The following MARK3 variants were observed in gnomAD, a reference collection of about 807,000 sequenced individuals.
MARK3 encodes microtubule affinity regulating kinase 3.
Under a neutral mutation model 90.1 loss-of-function variants are expected in MARK3, and 46 were observed. That is an observed-to-expected ratio of 0.51 (90% CI 0.40 to 0.65). The LOEUF (loss-of-function observed/expected upper bound fraction) is 0.65. MARK3 is among the 30% of genes least tolerant of loss of function. The pLI, the probability that MARK3 is intolerant of heterozygous loss-of-function variation, is 0.00. For synonymous variants in MARK3, 321 were observed against 332.6 expected (o/e 0.97, Z 0.38); for missense variants, 818 against 947.2 (o/e 0.86, Z 1.79).
At chr14:103,491,347 A>T in intron 14 of MARK3, 1 of 212,868 alleles carries the variant, frequency 4.7e-6, no homozygotes, top group Non-Finnish European at 9.6e-6. Flanking sequence ...TGCTTTCAGC[A>T]TGTGGAATTT....
intron 3 of MARK3, among the ~76,000 whole-genome samples, chr14:103,448,517 A>T (rs1270044002): frequency 6.6e-6 from 1 of 152,164 alleles, no homozygotes; most frequent in Non-Finnish European, 1.5e-5. Context: ...TATGCTTATG[A>T]TGTATTTCAC....
intron 14 of MARK3, among the ~76,000 whole-genome samples, chr14:103,482,894 C>T (rs1299244020): frequency 6.6e-6 from 1 of 152,182 alleles, no homozygotes; most frequent in Admixed American, 6.5e-5. Context: ...TAGCATCAGT[C>T]ATTGAAATAC....
intron 3 of MARK3, among the ~76,000 whole-genome samples, chr14:103,442,523 C>CAAT (rs10690898): frequency 0.33 from 50,719 of 151,730 alleles, 8,765 homozygotes; most frequent in Middle Eastern, 0.45. Context: ...CAGAGTTGGG[C>CAAT]AATACATAAC....
chr14:103,403,084 G>A (rs563876625), intron 1 of MARK3, among the ~76,000 whole-genome samples: 4 of 137,576 alleles, frequency 2.9e-5, no homozygotes, highest in African/African-American at 1.1e-4. Flanking sequence ...AGTTGAGTAC[G>A]AATAGGATGA....
At chr14:103,491,274 A>T (rs1461124525) in intron 14 of MARK3, 1 of 324,242 alleles carries the variant, frequency 3.1e-6, no homozygotes, top group African/African-American at 2.2e-5. Flanking sequence ...TCGGTTGTGT[A>T]TTGTGTGTCT....
chr14:103,472,999 T>A (rs1256442581), intron 12 of MARK3, among the ~76,000 whole-genome samples: 2 of 143,070 alleles, frequency 1.4e-5, no homozygotes, highest in Non-Finnish European at 3.1e-5. Context: ...AGAGCGAGAC[T>A]CCGTCTCGAA....
At chr14:103,436,411 T>TC (rs1245718114) in intron 3 of MARK3, among the ~76,000 whole-genome samples, 1 of 148,760 alleles carries the variant, frequency 6.7e-6, no homozygotes, top group Admixed American at 6.7e-5. Context: ...TTTTCTTTCT[T>TC]TTTTTTTTTT....
chr14:103,481,959 G>C (rs1182053869), intron 14 of MARK3, among the ~76,000 whole-genome samples: 2 of 149,944 alleles, frequency 1.3e-5, no homozygotes, highest in Non-Finnish European at 3.0e-5. Context: ...GTAGAGACGG[G>C]GTTTCACCAT....
chr14:103,493,783 GA>G (rs1331313940), intron 15 of MARK3, among the ~76,000 whole-genome samples: 1 of 149,818 alleles, frequency 6.7e-6, no homozygotes, highest in African/African-American at 2.5e-5. Flanking sequence ...GCTGAGACAG[GA>G]GAATTGCTTG....
At position 103,385,880 on chromosome 14, in the gene MARK3, G is replaced by A; in HGVS notation, c.-150G>A. ...CGGGGGACGGCCCGGGCCAGGCCCG[G>A]GATCTAGACGGCCGTAGGGGGAAGG... On this transcript the variant is annotated 5_prime_UTR_variant, in exon 1 of 18. Coordinates refer to ENST00000429436, the MANE Select transcript of MARK3 (RefSeq NM_001128918.3). The A allele has an allele frequency of 1.6e-6, 1 of 625,932 alleles. No homozygotes were observed. The highest frequency in any genetic ancestry group is 2.8e-5 in the Admixed American group (1 of 36,292). 38.8% of individuals were successfully genotyped at this position (625,932 alleles called of 1,614,324 possible).
At chr14:103,435,633 C>T (rs2092697749) in intron 3 of MARK3, among the ~76,000 whole-genome samples, 1 of 152,064 alleles carries the variant, frequency 6.6e-6, no homozygotes, top group Non-Finnish European at 1.5e-5. Flanking sequence ...TGGTCTCAAT[C>T]TCCTGACCTC....
intron 1 of MARK3, among the ~76,000 whole-genome samples, chr14:103,387,174 T>G (rs1217755875): frequency 6.6e-6 from 1 of 152,254 alleles, no homozygotes; most frequent in Admixed American, 6.5e-5. Context: ...AGTAATGTCC[T>G]GAGATGTTGT....
intron 15 of MARK3, among the ~76,000 whole-genome samples, chr14:103,497,876 T>C (rs1324893646): frequency 1.3e-5 from 2 of 152,222 alleles, no homozygotes; most frequent in African/African-American, 2.4e-5. Context: ...ACTAGTACAT[T>C]GCAAATGTCT....
intron 12 of MARK3, among the ~76,000 whole-genome samples, chr14:103,472,037 T>C (rs1055418202): frequency 3.3e-5 from 5 of 151,266 alleles, no homozygotes; most frequent in Admixed American, 1.3e-4. Flanking sequence ...GGTGAAACCC[T>C]GTCTCTACTA....
intron 14 of MARK3, among the ~76,000 whole-genome samples, chr14:103,486,526 G>A (rs963351485): frequency 6.6e-6 from 1 of 152,144 alleles, no homozygotes; most frequent in South Asian, 2.1e-4. Context: ...TTAAAAAAAT[G>A]TAATGCTGCT....
intron 3 of MARK3, among the ~76,000 whole-genome samples, chr14:103,438,912 C>T (rs539503672): frequency 2.0e-5 from 3 of 151,348 alleles, no homozygotes; most frequent in East Asian, 1.9e-4. Flanking sequence ...TGCTTGAGCC[C>T]GGGAGGTCGA....
At chr14:103,426,805 G>T (rs954660716) in intron 2 of MARK3, among the ~76,000 whole-genome samples, 1 of 151,760 alleles carries the variant, frequency 6.6e-6, no homozygotes, top group African/African-American at 2.4e-5. Flanking sequence ...TGCTGTTGCC[G>T]CTCTGTATAT....
chr14:103,448,101 A>G (rs1424379332), intron 3 of MARK3, among the ~76,000 whole-genome samples: 1 of 152,088 alleles, frequency 6.6e-6, no homozygotes, highest in Non-Finnish European at 1.5e-5. Flanking sequence ...ACCTGGGTTC[A>G]CTTGTGTGGC....
At chr14:103,412,225 A>G in intron 2 of MARK3, 1 of 833,848 alleles carries the variant, frequency 1.2e-6, no homozygotes, top group Non-Finnish European at 2.0e-6. Context: ...CAGCCAGGTG[A>G]ATGTTATGCA....
Sources: allele counts gnomAD v4.1 joint callset (sites outside exome capture counted in the v4.1 genomes callset), GRCh38; gene constraint gnomAD v4.1.1; transcripts MANE v1.5; gene names NCBI Gene and HGNC (gene_info 2026-07-23, HGNC 2026-07-21).